ACKR2: variants seen among roughly 807,000 people sequenced by gnomAD.
The protein encoded by ACKR2 is C-C chemokine receptor D6.
For missense variants in ACKR2, 457 were observed against 477.3 expected (o/e 0.96, Z 0.40); for synonymous variants, 207 against 192.2 (o/e 1.08, Z -0.64).
At chr3:42,832,617 C>T (rs901409586) in intron 2 of ACKR2, among the ~76,000 whole-genome samples, 9 of 152,184 alleles carry the variant, frequency 5.9e-5, no homozygotes, top group South Asian at 2.1e-4. Context: ...TCACCGCATA[C>T]GGAACGCACA....
In ACKR2 at chr3:42,852,552, C is replaced by T; in HGVS notation, c.-37-11914C>T. 1 of 152,340 alleles carries T rather than the reference C, an allele frequency of 6.6e-6. No individual in the cohort carries two copies. The highest frequency in any genetic ancestry group is 1.9e-4 in the East Asian group (1 of 5,184). The allele number at this position is 152,340 out of a possible 1,614,324, so 9.4% of individuals were successfully genotyped here. Reference sequence around the variant, plus strand: ...GTGGGGTCCCAGGGAGCGTGGGGAGCAGGCAGGCCTCACATATCTCAGGAG... The same window carrying T: ...GTGGGGTCCCAGGGAGCGTGGGGAGTAGGCAGGCCTCACATATCTCAGGAG... On this transcript the variant is annotated intron_variant, in intron 2 of 2. Coordinates refer to ENST00000422265, the MANE Select transcript of ACKR2 (RefSeq NM_001296.5). The surrounding 1 kb of genome is among the most constrained non-coding windows in gnomAD (Gnocchi z 4.3).
intron 2 of ACKR2, chr3:42,835,234 T>G (rs949672777): frequency 2.6e-5 from 4 of 151,888 alleles, no homozygotes; most frequent in Non-Finnish European, 4.4e-5. Flanking sequence ...AAAGAAGGCC[T>G]TTCATCTCCA....
intron 2 of ACKR2, among the ~76,000 whole-genome samples, chr3:42,860,017 G>T (rs1226246473): frequency 6.6e-6 from 1 of 151,750 alleles, no homozygotes; most frequent in African/African-American, 2.4e-5. Flanking sequence ...CAGGTTAAAT[G>T]CCCCAATTAA....
intron 1 of ACKR2, among the ~76,000 whole-genome samples, chr3:42,811,539 A>G (rs1700694805): frequency 6.6e-6 from 1 of 152,176 alleles, no homozygotes; most frequent in Admixed American, 6.5e-5. Context: ...GTTTCCCCCA[A>G]CTGACACAGC....
At chr3:42,821,306 C>T (rs1010008244) in intron 2 of ACKR2, among the ~76,000 whole-genome samples, 11 of 152,194 alleles carry the variant, frequency 7.2e-5, no homozygotes, top group Admixed American at 3.9e-4. Context: ...CATCCCTTTT[C>T]CTTACATACG....
chr3:42,865,070 A>G lies in ACKR2; in HGVS notation c.568A>G (p.Lys190Glu). The G allele has an allele frequency of 6.2e-7, 1 of 1,613,972 alleles. No individual in the cohort carries two copies. Residue 190 changes from lysine to glutamate, a missense_variant, in exon 3 of 3, where the codon AAG becomes GAG. Physicochemically the swap from Lys to Glu is moderately conservative, Grantham distance 56. Coordinates refer to ENST00000422265, the MANE Select transcript of ACKR2 (RefSeq NM_001296.5). ...CTTTGTACAGACACATGAAAATCCC[A>G]AGGGTGTGTGGAACTGCCACGCAGA... is the stretch of plus-strand genomic sequence containing the variant. ...MVFVQTHENP[K>E]GVWNCHADFG... is the part of the protein sequence containing the mutation.
At chr3:42,832,098 A>G (rs1043293249) in intron 2 of ACKR2, among the ~76,000 whole-genome samples, 2 of 152,066 alleles carry the variant, frequency 1.3e-5, no homozygotes, top group Non-Finnish European at 2.9e-5. Context: ...GATAGAGATG[A>G]CCCTCCCCTT....
chr3:42,813,836 T>C (rs543144730), intron 1 of ACKR2, among the ~76,000 whole-genome samples: 1 of 152,336 alleles, frequency 6.6e-6, no homozygotes, highest in African/African-American at 2.4e-5. Flanking sequence ...CAAGCTCTGT[T>C]GAGGAATAGA....
At chr3:42,826,294 T>C (rs1700864249) in intron 2 of ACKR2, among the ~76,000 whole-genome samples, 1 of 152,172 alleles carries the variant, frequency 6.6e-6, no homozygotes, top group Admixed American at 6.5e-5. Flanking sequence ...AAATGTTTCT[T>C]CCCCTTCTGT....
intron 2 of ACKR2, among the ~76,000 whole-genome samples, chr3:42,837,362 G>A (rs1700996111): frequency 6.6e-6 from 1 of 152,090 alleles, no homozygotes; most frequent in South Asian, 2.1e-4. Context: ...GACTACAGGT[G>A]CATGCCACCA....
intron 2 of ACKR2, among the ~76,000 whole-genome samples, chr3:42,828,663 C>T (rs375383288): frequency 2.6e-5 from 4 of 152,176 alleles, no homozygotes; most frequent in African/African-American, 9.7e-5. Flanking sequence ...GAATTTATCT[C>T]ACATGCCAGT....
At chr3:42,831,065 G>A (rs1227870294) in intron 2 of ACKR2, among the ~76,000 whole-genome samples, 1 of 152,056 alleles carries the variant, frequency 6.6e-6, no homozygotes, top group Non-Finnish European at 1.5e-5. Context: ...AAAAGAAAAA[G>A]AAAAACAGAA....
At chr3:42,831,141 A>G (rs773271221) in intron 2 of ACKR2, among the ~76,000 whole-genome samples, 6 of 152,236 alleles carry the variant, frequency 3.9e-5, no homozygotes, top group African/African-American at 9.6e-5. Context: ...GTAAAAGGCT[A>G]TCAGTGTGCG....
chr3:42,816,328 A>G (rs1700750289), intron 1 of ACKR2, among the ~76,000 whole-genome samples: 1 of 152,034 alleles, frequency 6.6e-6, no homozygotes, highest in Admixed American at 6.6e-5. Context: ...AGAAGCTAGG[A>G]GCTAGAAACC....
At chr3:42,810,409 C>A (rs1019886993) in intron 1 of ACKR2, among the ~76,000 whole-genome samples, 1 of 105,518 alleles carries the variant, frequency 9.5e-6, no homozygotes, top group African/African-American at 3.0e-5. Context: ...TTCATAGTAC[C>A]CCCCCCCAAT....
chr3:42,821,948 G>A (rs573356093), intron 2 of ACKR2, among the ~76,000 whole-genome samples: 13 of 151,932 alleles, frequency 8.6e-5, no homozygotes, highest in African/African-American at 2.9e-4. Flanking sequence ...CGCCCGCCTC[G>A]GCCTCTCAAA....
chr3:42,849,501 CAA>C (rs551981172), intron 2 of ACKR2, among the ~76,000 whole-genome samples: 2 of 138,352 alleles, frequency 1.4e-5, no homozygotes, highest in African/African-American at 5.4e-5. Context: ...GAGACTCTGT[CAA>C]AAAAAAAAAG....
Position 42,865,242 on chromosome 3 carries a change from G to A in ACKR2, c.740G>A (p.Arg247Gln). 6.2e-7 allele frequency: 1 copy of A among 1,614,164 alleles called. No individual in the cohort carries two copies. The highest frequency in any genetic ancestry group is 8.5e-7 in the Non-Finnish European group (1 of 1,180,038). Residue 247 changes from arginine (R) to glutamine (Q), a missense_variant, in exon 3 of 3, where the codon CGG (arginine) becomes CAG (glutamine). Transcript: ENST00000422265. ...LVRLRPAGQG[R>Q]ALKIAAALVV... ...AGGCTGAGGCCCGCAGGCCAGGGCC[G>A]GGCTTTAAAAATAGCTGCAGCCTTG... is the stretch of plus-strand genomic sequence containing the variant.
intron 2 of ACKR2, among the ~76,000 whole-genome samples, chr3:42,832,496 C>CA (rs901371855): frequency 3.4e-5 from 5 of 146,732 alleles, no homozygotes; most frequent in African/African-American, 1.0e-4. Flanking sequence ...TACTCTGTCT[C>CA]AAAAAAAGAA....
Sources: allele counts gnomAD v4.1 joint callset (sites outside exome capture counted in the v4.1 genomes callset), GRCh38; gene constraint gnomAD v4.1.1; non-coding constraint Gnocchi (gnomAD v3.1); transcripts MANE v1.5; gene names NCBI Gene and HGNC (gene_info 2026-07-23, HGNC 2026-07-21).